ENTREP1: variants seen among roughly 807,000 people sequenced by gnomAD.
ENTREP1 encodes endosomal transmembrane epsin interactor 1.
the ENTREP1 span, among the ~76,000 whole-genome samples, chr9:69,330,934 C>A: frequency 3.3e-5 from 5 of 152,068 alleles, no homozygotes; most frequent in Admixed American, 6.6e-5. Flanking sequence ...TTTTTAAATA[C>A]CGAGGTAATA....
At chr9:69,330,927 T>C in the ENTREP1 span, among the ~76,000 whole-genome samples, 1 of 152,216 alleles carries the variant, frequency 6.6e-6, no homozygotes, top group South Asian at 2.1e-4. Context: ...TCAATGGTTT[T>C]TAAATACCGA....
the ENTREP1 span, among the ~76,000 whole-genome samples, chr9:69,364,533 A>G: frequency 6.6e-6 from 1 of 152,124 alleles, no homozygotes; most frequent in Non-Finnish European, 1.5e-5. Flanking sequence ...GGAGGATGCC[A>G]TCTGATGAAG....
the ENTREP1 span, chr9:69,383,539 C>T: frequency 6.4e-7 from 1 of 1,565,852 alleles, no homozygotes; most frequent in African/African-American, 1.4e-5. Flanking sequence ...GTTTTCCCCA[C>T]AGTTTAGAGC....
At chr9:69,377,838 T>C in the ENTREP1 span, 4 of 1,390,360 alleles carry the variant, frequency 2.9e-6, no homozygotes, top group African/African-American at 1.5e-5. Context: ...GATCTCACTT[T>C]TCTTTGAAAA....
the ENTREP1 span, chr9:69,329,369 A>G: frequency 1.0e-6 from 1 of 965,432 alleles, no homozygotes; most frequent in Non-Finnish European, 1.2e-6. Context: ...TAGTTCAAGG[A>G]TATTTTTTCA....
chr9:69,329,873 CTA>C, the ENTREP1 span, among the ~76,000 whole-genome samples: 8 of 107,106 alleles, frequency 7.5e-5, no homozygotes, highest in African/African-American at 2.7e-4. Context: ...TGGGAGTTAA[CTA>C]GGTTCCACTG....
the ENTREP1 span, chr9:69,388,148 C>T: frequency 3.7e-6 from 6 of 1,614,116 alleles, no homozygotes; most frequent in Non-Finnish European, 5.1e-6. Context: ...TTGTTTGTTT[C>T]TGCCCACAGC....
the ENTREP1 span, among the ~76,000 whole-genome samples, chr9:69,378,123 G>C: frequency 0.43 from 64,946 of 151,844 alleles, 14,435 homozygotes; most frequent in African/African-American, 0.56. Context: ...ATTTCAATTA[G>C]CTTTCTAAGG....
At chr9:69,388,098 A>G in the ENTREP1 span, 58 of 1,613,192 alleles carry the variant, frequency 3.6e-5, no homozygotes, top group Admixed American at 5.0e-5. Flanking sequence ...GCTTTCAGGT[A>G]CAGGCATATG....
the ENTREP1 span, among the ~76,000 whole-genome samples, chr9:69,326,475 T>TC: frequency 4.2e-3 from 639 of 152,016 alleles, 7 homozygotes; most frequent in African/African-American, 0.015. Flanking sequence ...CAGGACCCAC[T>TC]CCTCCCTCCT....
the ENTREP1 span, among the ~76,000 whole-genome samples, chr9:69,389,430 C>T: frequency 6.6e-6 from 1 of 152,176 alleles, no homozygotes; most frequent in East Asian, 1.9e-4. Context: ...AAGCCAAACT[C>T]TCTCCCAGTC....
At chr9:69,356,838 A>T in the ENTREP1 span, among the ~76,000 whole-genome samples, 1 of 152,162 alleles carries the variant, frequency 6.6e-6, no homozygotes, top group Non-Finnish European at 1.5e-5. Flanking sequence ...TCTTGGTCAT[A>T]TTCCTAATGA....
chr9:69,355,732 G>C, the ENTREP1 span, among the ~76,000 whole-genome samples: 1 of 152,216 alleles, frequency 6.6e-6, no homozygotes, highest in African/African-American at 2.4e-5. Context: ...ATCATCCGGA[G>C]GTTTGACTGC....
At chr9:69,332,174 T>A in the ENTREP1 span, among the ~76,000 whole-genome samples, 38 of 152,314 alleles carry the variant, frequency 2.5e-4, no homozygotes, top group African/African-American at 8.2e-4. Flanking sequence ...TTTCTCCCCA[T>A]CACCACTCAC....
the ENTREP1 span, among the ~76,000 whole-genome samples, chr9:69,337,753 G>A: frequency 2.6e-5 from 4 of 152,098 alleles, no homozygotes; most frequent in African/African-American, 9.7e-5. Flanking sequence ...AAAATAGAGG[G>A]TCTAGGAAAT....
At chr9:69,375,684 G>A in the ENTREP1 span, 2 of 1,437,966 alleles carry the variant, frequency 1.4e-6, no homozygotes, top group Non-Finnish European at 9.8e-7. Context: ...GTAGAGCCAG[G>A]GTATTTTTTC....
At chr9:69,380,191 A>T in the ENTREP1 span, 1 of 152,222 alleles carries the variant, frequency 6.6e-6, no homozygotes. Flanking sequence ...ATTTTTGGAA[A>T]TTTTACCAAT....
chr9:69,362,641 G>C, the ENTREP1 span, among the ~76,000 whole-genome samples: 1 of 152,118 alleles, frequency 6.6e-6, no homozygotes, highest in African/African-American at 2.4e-5. Context: ...TGGATTGAAG[G>C]ATGCAAAGTA....
the ENTREP1 span, chr9:69,325,540 G>C: frequency 3.5e-6 from 4 of 1,143,856 alleles, no homozygotes; most frequent in Non-Finnish European, 4.3e-6. Context: ...CCTCCCGCCG[G>C]GCAGTCGCCG....
Sources: allele counts gnomAD v4.1 joint callset (sites outside exome capture counted in the v4.1 genomes callset), GRCh38; gene constraint gnomAD v4.1.1; transcripts MANE v1.5; gene names NCBI Gene and HGNC (gene_info 2026-07-23, HGNC 2026-07-21).